SPDYC: variants seen among roughly 807,000 people sequenced by gnomAD.
SPDYC encodes the protein speedy protein C.
SPDYC carries 25 observed loss-of-function variants against 33.9 expected under a neutral mutation model. The observed-to-expected ratio is 0.74, with a 90% CI of 0.54 to 1.03. The LOEUF is 1.03. Among genes scored for constraint, SPDYC ranks in the 50% least tolerant of loss-of-function variants. The pLI is 0.00. For missense variants in SPDYC, 349 were observed against 382.9 expected (o/e 0.91, Z 0.74); for synonymous variants, 133 against 140.2 (o/e 0.95, Z 0.36).
chr11:65,172,082 C>T, intron 3 of SPDYC, 81 bp downstream of exon 3: 4 of 1,517,474 alleles, frequency 2.6e-6, no homozygotes, highest in Admixed American at 1.7e-5. Context: ...GTAGGGAGAG[C>T]CACTCACCTT....
exon 2 of SPDYC, chr11:65,171,406 G>C: frequency 6.2e-7 from 1 of 1,609,504 alleles, no homozygotes; most frequent in South Asian, 1.1e-5. Context: ...TACCACCCAG[G>C]TAGAGCTGGG....
intron 1 of SPDYC, among the ~76,000 whole-genome samples, chr11:65,170,962 C>A (rs891279166): frequency 1.1e-4 from 17 of 152,134 alleles, no homozygotes; most frequent in African/African-American, 3.6e-4. Context: ...TGTTAGGCCT[C>A]AGCTTCAGTT....
intron 1 of SPDYC, among the ~76,000 whole-genome samples, chr11:65,170,835 A>G (rs1458514888): frequency 6.6e-6 from 1 of 152,164 alleles, no homozygotes; most frequent in Non-Finnish European, 1.5e-5. Context: ...GTGAGCCGAG[A>G]TCGCGCCACT....
At position 65,172,232 on chromosome 11, in the gene SPDYC, A is replaced by G. The variant is rs548018618; in HGVS notation, c.259-14A>G. The G allele has an allele frequency of 1.2e-6, 2 of 1,614,006 alleles. No homozygotes were observed. The highest frequency in any genetic ancestry group is 1.3e-5 in the African/African-American group (1 of 74,946). On this transcript the variant is annotated splice_polypyrimidine_tract_variant and intron_variant, in intron 3 of 6. Transcript: ENST00000377185. ...AGAGAATAACTAACCCCCCACCCCG[A>G]TCTGTCTCTGCAGTATCTCCTGGCC...
chr11:65,172,348 G>A lies in SPDYC; in HGVS notation c.344+17G>A. On this transcript the variant is annotated intron_variant, in intron 4 of 6. Transcript: ENST00000377185. The stretch of plus-strand genomic sequence containing the variant: ...CTTGGCCCTGTGAGTGGTGGGGGCA[G>A]GCAGTGGAGGCATTTGCTGGAGGTG... 1 of 1,614,136 alleles carries A rather than the reference G, an allele frequency of 6.2e-7. No homozygotes were observed. Among genetic ancestry groups the A allele is most frequent in the Non-Finnish European group, 8.5e-7 (1 of 1,180,028 alleles).
At chr11:65,172,847 G>C in exon 6 of SPDYC, 7 of 1,614,146 alleles carry the variant, frequency 4.3e-6, no homozygotes, top group Non-Finnish European at 5.9e-6. Context: ...CACTGCAGCA[G>C]CCACTTGCTT....
At chr11:65,171,615 C>T in intron 2 of SPDYC, 116 bp downstream of exon 2, 1 of 1,236,302 alleles carries the variant, frequency 8.1e-7, no homozygotes, top group Non-Finnish European at 1.1e-6. Flanking sequence ...CTCTCCCTCT[C>T]AGGTATCCCA....
intron 1 of SPDYC, 33 bp from the exon 2 acceptor site, chr11:65,171,294 A>G: frequency 1.3e-6 from 2 of 1,582,272 alleles, no homozygotes; most frequent in South Asian, 1.1e-5. Flanking sequence ...TCACGGGGGT[A>G]CATGCTAAGT....
intron 1 of SPDYC, 81 bp from the exon 2 acceptor site, chr11:65,171,246 G>A (rs1438905397): frequency 1.1e-5 from 16 of 1,463,342 alleles, no homozygotes; most frequent in East Asian, 2.5e-5. Flanking sequence ...CCCCTCCACC[G>A]TCCTGGCCCC....
chr11:65,170,260 G>A lies in SPDYC; in HGVS notation c.25G>A (p.Gly9Arg), dbSNP rs752679199. ...TATGCTCTGGGCCATTCCTGAGCTC[G>A]GGTAAGGCTCGCTGCAGGAGGAGGC... Residue 9 changes from glycine to arginine, a missense_variant and splice_region_variant, in exon 1 of 7, where the codon GGG becomes AGG. Gly to Arg is a moderately radical substitution (Grantham distance 125). Transcript: ENST00000377185. 5.1e-6 allele frequency: 8 copies of A among 1,581,716 alleles called. No homozygotes were observed. The highest frequency in any genetic ancestry group is 1.1e-5 in the South Asian group (1 of 87,670).
rs1447770738 is a variant in SPDYC, at chr11:65,172,493, G to A, written c.404G>A (p.Trp135Ter). 1.3e-6 allele frequency: 2 copies of A among 1,581,320 alleles called. No homozygotes were observed. Among genetic ancestry groups the A allele is most frequent in the Non-Finnish European group, 1.7e-6 (2 of 1,162,306 alleles). ...GGCCCCAAATGTGAGATTTTTCCAT[G>A]GGCCCTGGGAAAAGATTGGTGTTTA... The change falls in exon 5 of 7, where the codon TGG (tryptophan) becomes TAG (stop). Residue 135 changes from tryptophan (W) to a stop codon, truncating the protein, a stop_gained. Coordinates refer to ENST00000377185, the Ensembl canonical transcript of SPDYC. LOFTEE classifies it high-confidence loss of function.
At chr11:65,171,234 C>A in intron 1 of SPDYC, 93 bp from the exon 2 acceptor site, 1 of 1,389,726 alleles carries the variant, frequency 7.2e-7, no homozygotes, top group Non-Finnish European at 9.7e-7. Context: ...TCTCTGCACC[C>A]ACCCCTCCAC....
chr11:65,171,131 G>T (rs916535468), intron 1 of SPDYC, among the ~76,000 whole-genome samples, 196 bp from the exon 2 acceptor site: 2 of 151,978 alleles, frequency 1.3e-5, no homozygotes, highest in Admixed American at 1.3e-4. Context: ...GAGGGTGAGG[G>T]TGCCACACCC....
chr11:65,172,016 GCTGGGGGTCT>G lies in SPDYC; in HGVS notation c.258+18_258+27del. 1.2e-6 allele frequency: 2 copies of G among 1,613,916 alleles called. No homozygotes were observed. The highest frequency in any genetic ancestry group is 1.7e-6 in the Non-Finnish European group (2 of 1,179,868). On this transcript the variant is annotated intron_variant, in intron 3 of 6. Coordinates refer to ENST00000377185, the Ensembl canonical transcript of SPDYC. ...TTTCAGATAAGGTGAGGGAGTACAGGCTGGGGGTCTCTTGAGGGTCAGGTTGAGTTGGTGG... is the reference window on the plus strand; with the variant it reads ...TTTCAGATAAGGTGAGGGAGTACAGGCTTGAGGGTCAGGTTGAGTTGGTGG...
chr11:65,170,371 C>T (rs1407256779), intron 1 of SPDYC, 110 bp downstream of exon 1: 6 of 1,143,090 alleles, frequency 5.2e-6, no homozygotes. Flanking sequence ...CCGTGGTTGG[C>T]TTCTCTCTCT....
chr11:65,171,922 T>A (rs1948439445), intron 2 of SPDYC, 21 bp from the exon 3 acceptor site: 3 of 1,613,296 alleles, frequency 1.9e-6, no homozygotes, highest in Admixed American at 1.7e-5. Flanking sequence ...CTGCGTCCTG[T>A]CATGTCTTCT....
At chr11:65,171,439 G>A (rs758996652) in exon 2 of SPDYC, 1 of 1,601,644 alleles carries the variant, frequency 6.2e-7, no homozygotes. Context: ...GCAAGGTGGG[G>A]GCAATGGGTT....
chr11:65,172,904 G>A (rs756403342), exon 6 of SPDYC: 17 of 1,613,952 alleles, frequency 1.1e-5, no homozygotes, highest in Non-Finnish European at 1.4e-5. Context: ...GAATGTCATC[G>A]CCCTCCCTCC....
chr11:65,171,563 T>G, intron 2 of SPDYC, 64 bp downstream of exon 2: 2 of 1,437,620 alleles, frequency 1.4e-6, no homozygotes, highest in Non-Finnish European at 1.8e-6. Context: ...ATGTGAAGTG[T>G]GGGGTCTCAC....
Sources: allele counts gnomAD v4.1 joint callset (sites outside exome capture counted in the v4.1 genomes callset), GRCh38; gene constraint gnomAD v4.1.1; transcripts MANE v1.5; gene names NCBI Gene and HGNC (gene_info 2026-07-23, HGNC 2026-07-21).